AGMO: variants seen among roughly 807,000 people sequenced by gnomAD.
The protein encoded by AGMO is glyceryl-ether monooxygenase.
Under a neutral mutation model 60.2 loss-of-function variants are expected in AGMO, and 75 were observed. That is an observed-to-expected ratio of 1.25 (90% CI 1.03 to 1.51). The LOEUF (loss-of-function observed/expected upper bound fraction) is 1.51, where lower values mean the gene tolerates loss of function less well. Among genes scored for constraint, AGMO ranks in the 40% most tolerant of loss-of-function variants. The pLI is 0.00. For missense variants in AGMO, 763 were observed against 525.5 expected, an observed-to-expected ratio of 1.45 and a Z score of -4.42; for synonymous variants, 261 against 177.1, an observed-to-expected ratio of 1.47 and a Z score of -3.76.
At position 15,286,284 on chromosome 7, in the gene AGMO, C is replaced by T. The variant is rs143426344; in HGVS notation, c.1263+79230G>A. 1.7e-3 allele frequency among the ~76,000 whole-genome samples: 264 copies of T among 152,096 alleles called. 1 individual carries two copies. Among genetic ancestry groups the T allele is most frequent in the African/African-American group, 6.0e-3 (251 of 41,528 alleles). The stretch of plus-strand genomic sequence containing the variant: ...AGAATTAATCATCAGAGTAAACAGA[C>T]AACCACAGAATGGCAGAAAGTATTT... On this transcript the variant is annotated intron_variant, in intron 12 of 12. Transcript: ENST00000342526.
intron 3 of AGMO, among the ~76,000 whole-genome samples, chr7:15,512,975 T>C (rs1783712443): frequency 1.3e-5 from 2 of 152,204 alleles, no homozygotes. Flanking sequence ...CCAGAAATTA[T>C]TTCTTTTGCA....
In AGMO at chr7:15,432,379, T is replaced by TATATATATATAC. The variant is rs373845365; in HGVS notation, c.410-1272_410-1271insGTATATATATAT. Among the ~76,000 whole-genome samples the TATATATATATAC allele has an allele frequency of 4.8e-4, 66 of 136,192 alleles. 1 individual carries two copies. Among genetic ancestry groups the TATATATATATAC allele is most frequent in the South Asian group, 1.9e-3 (8 of 4,228 alleles). 89.3% of individuals were successfully genotyped at this position (136,192 alleles called of 152,430 possible). ...ATATATATACACACACATATATATA[T>TATATATATATAC]ACACTATCTGGGTAAATTTTGGCCA... On this transcript the variant is annotated intron_variant, in intron 3 of 12. Coordinates refer to ENST00000342526, the MANE Select transcript of AGMO (RefSeq NM_001004320.2).
chr7:15,398,145 A>T (rs1006372662), intron 5 of AGMO, among the ~76,000 whole-genome samples: 24 of 152,116 alleles, frequency 1.6e-4, no homozygotes, highest in African/African-American at 5.6e-4. Flanking sequence ...GGTGGAGAGG[A>T]CTACACTGAC....
At chr7:15,301,079 TTTATA>T (rs1256794157) in intron 12 of AGMO, among the ~76,000 whole-genome samples, 1 of 152,184 alleles carries the variant, frequency 6.6e-6, no homozygotes, top group East Asian at 1.9e-4. Context: ...CTTTTCTATA[TTTATA>T]TTATTTCAGT....
At chr7:15,486,533 T>G (rs1432038041) in intron 3 of AGMO, among the ~76,000 whole-genome samples, 1 of 152,090 alleles carries the variant, frequency 6.6e-6, no homozygotes, top group Non-Finnish European at 1.5e-5. Context: ...ACAGCTTAGA[T>G]TTTGTAAAAA....
At chr7:15,361,267 G>A (rs1373859775) in intron 12 of AGMO, among the ~76,000 whole-genome samples, 3 of 149,748 alleles carry the variant, frequency 2.0e-5, no homozygotes, top group African/African-American at 7.4e-5. Context: ...CTGAACATGT[G>A]AACTTAGTTG....
At chr7:15,554,271 A>G (rs989537726) in intron 2 of AGMO, among the ~76,000 whole-genome samples, 2 of 152,052 alleles carry the variant, frequency 1.3e-5, no homozygotes, top group Non-Finnish European at 2.9e-5. Flanking sequence ...TAAACTGTCT[A>G]AACTCCATCC....
intron 12 of AGMO, among the ~76,000 whole-genome samples, chr7:15,360,332 C>T (rs1401528475): frequency 6.6e-6 from 1 of 152,072 alleles, no homozygotes; most frequent in Non-Finnish European, 1.5e-5. Flanking sequence ...GGCCAACCCC[C>T]CGTGCGGTCA....
At chr7:15,555,130 T>C (rs1028545217) in intron 2 of AGMO, among the ~76,000 whole-genome samples, 1 of 151,616 alleles carries the variant, frequency 6.6e-6, no homozygotes, top group Admixed American at 6.6e-5. Context: ...GGCCAGATTA[T>C]ACAAAACTAA....
At chr7:15,376,877 T>G (rs1160396412) in intron 10 of AGMO, among the ~76,000 whole-genome samples, 1 of 152,112 alleles carries the variant, frequency 6.6e-6, no homozygotes, top group East Asian at 1.9e-4. Context: ...AATATATGCT[T>G]TGCAAGTTTC....
Position 15,386,640 on chromosome 7 carries a change from T to C in AGMO, c.957+766A>G, listed in dbSNP as rs192606536. Among the ~76,000 whole-genome samples, 420 of 152,310 alleles carry C rather than the reference T, an allele frequency of 2.8e-3. 1 individual carries two copies. Among genetic ancestry groups the C allele is most frequent in the Non-Finnish European group, 3.2e-3 (219 of 68,014 alleles). Reference sequence around the variant, plus strand: ...TTTTTTCAAAATAACAGTATTTAAATAAAACATCTTATTTCCTTGAAACAT... The same window carrying C: ...TTTTTTCAAAATAACAGTATTTAAACAAAACATCTTATTTCCTTGAAACAT... On this transcript the variant is annotated intron_variant, in intron 9 of 12. Coordinates refer to ENST00000342526, the MANE Select transcript of AGMO (RefSeq NM_001004320.2).
intron 3 of AGMO, among the ~76,000 whole-genome samples, chr7:15,535,878 G>A (rs184585001): frequency 2.6e-5 from 4 of 151,892 alleles, no homozygotes; most frequent in Non-Finnish European, 4.4e-5. Context: ...TCAAATACAA[G>A]GTAGGGCAGC....
intron 12 of AGMO, among the ~76,000 whole-genome samples, chr7:15,281,379 G>A (rs1405519557): frequency 6.6e-6 from 1 of 152,148 alleles, no homozygotes; most frequent in African/African-American, 2.4e-5. Flanking sequence ...ATACTTCAGG[G>A]TGTGGCTGCA....
At chr7:15,235,670 T>A (rs759074527) in intron 12 of AGMO, among the ~76,000 whole-genome samples, 1 of 152,054 alleles carries the variant, frequency 6.6e-6, no homozygotes, top group East Asian at 1.9e-4. Flanking sequence ...AAAATAGAGA[T>A]AGGGATTGTT....
intron 12 of AGMO, among the ~76,000 whole-genome samples, chr7:15,285,928 A>G (rs1283636804): frequency 6.6e-6 from 1 of 152,118 alleles, no homozygotes; most frequent in African/African-American, 2.4e-5. Context: ...AAATACTTAC[A>G]ACCAAAACTG....
At chr7:15,520,247 T>C (rs1783943697) in intron 3 of AGMO, among the ~76,000 whole-genome samples, 1 of 152,068 alleles carries the variant, frequency 6.6e-6, no homozygotes, top group Non-Finnish European at 1.5e-5. Flanking sequence ...AAAAAAATAG[T>C]GGGAGACTTT....
At chr7:15,304,963 C>T (rs1264385133) in intron 12 of AGMO, among the ~76,000 whole-genome samples, 2 of 151,956 alleles carry the variant, frequency 1.3e-5, no homozygotes, top group South Asian at 2.1e-4. Context: ...CCCCTTCCCC[C>T]AGGGTTTCCC....
At chr7:15,549,027 A>C (rs1455187263) in intron 2 of AGMO, among the ~76,000 whole-genome samples, 11 of 150,996 alleles carry the variant, frequency 7.3e-5, no homozygotes, top group East Asian at 5.8e-4. Context: ...TTGTTAAAGA[A>C]AAGAATTTTC....
At chr7:15,218,340 T>TGTGC (rs1476847109) in intron 12 of AGMO, among the ~76,000 whole-genome samples, 2 of 151,428 alleles carry the variant, frequency 1.3e-5, no homozygotes, top group East Asian at 1.9e-4. Flanking sequence ...TGTGTGTGTG[T>TGTGC]GTGTGTGTGT....
Sources: gnomAD v4.1 joint callset for allele counts (sites outside exome capture counted in the v4.1 genomes callset) on GRCh38, gnomAD v4.1.1 for gene constraint, MANE v1.5 for transcripts, NCBI Gene and HGNC (gene_info 2026-07-23, HGNC 2026-07-21) for gene names.